The following ZDHHC21 variants were observed in gnomAD, a reference collection of about 807,000 sequenced individuals.
The protein encoded by ZDHHC21 is palmitoyltransferase ZDHHC21.
ZDHHC21 carries 15 observed loss-of-function variants against 34.6 expected under a neutral mutation model. That is an observed-to-expected ratio of 0.43 (90% CI 0.29 to 0.67). The LOEUF is 0.67. Ranked by LOEUF, ZDHHC21 falls within the 30% of genes least tolerant of loss-of-function variation. The pLI is 0.14. For synonymous variants in ZDHHC21, 142 were observed against 101.8 expected, an observed-to-expected ratio of 1.40 and a Z score of -2.38; for missense variants, 344 against 327.7, an observed-to-expected ratio of 1.05 and a Z score of -0.38.
intron 5 of ZDHHC21, among the ~76,000 whole-genome samples, chr9:14,664,055 C>T (rs1436147174): frequency 1.3e-5 from 2 of 152,152 alleles, no homozygotes; most frequent in South Asian, 2.1e-4. Context: ...CCAGCGTGAG[C>T]GACGCAGAAG....
chr9:14,631,867 C>A (rs901542106), intron 8 of ZDHHC21, among the ~76,000 whole-genome samples: 1 of 152,040 alleles, frequency 6.6e-6, no homozygotes, highest in Non-Finnish European at 1.5e-5. Context: ...AAAATAATTA[C>A]AATAGTAACA....
intron 8 of ZDHHC21, among the ~76,000 whole-genome samples, chr9:14,628,144 A>T (rs1340212218): frequency 6.6e-6 from 1 of 152,132 alleles, no homozygotes; most frequent in Non-Finnish European, 1.5e-5. Context: ...TGGGCTTCAG[A>T]TTAGTCTATT....
intron 8 of ZDHHC21, among the ~76,000 whole-genome samples, chr9:14,624,013 G>C (rs1825776925): frequency 6.6e-6 from 1 of 151,860 alleles, no homozygotes; most frequent in Non-Finnish European, 1.5e-5. Context: ...CACAGCACTG[G>C]GTACACTGTC....
chr9:14,691,385 G>A (rs947392114), intron 1 of ZDHHC21, among the ~76,000 whole-genome samples: 3 of 152,068 alleles, frequency 2.0e-5, no homozygotes, highest in African/African-American at 7.2e-5. Flanking sequence ...TTTGAGTTAC[G>A]GTCTTTTTCA....
At chr9:14,591,736 AC>A in the ZDHHC21 span, among the ~76,000 whole-genome samples, 1 of 152,166 alleles carries the variant, frequency 6.6e-6, no homozygotes, top group African/African-American at 2.4e-5. Context: ...AATTTCACTC[AC>A]AAAAATACTT....
the ZDHHC21 span, among the ~76,000 whole-genome samples, chr9:14,604,032 G>A: frequency 9.2e-5 from 14 of 152,126 alleles, no homozygotes; most frequent in Non-Finnish European, 1.8e-4. Flanking sequence ...TAGATTCCTG[G>A]CAAATCGATT....
At chr9:14,607,473 A>G (rs1198646519), downstream of ZDHHC21, among the ~76,000 whole-genome samples, 1 of 152,150 alleles carries the variant, frequency 6.6e-6, no homozygotes, top group Non-Finnish European at 1.5e-5. Context: ...ATCATATATA[A>G]CACATATGAT....
At chr9:14,680,597 A>G (rs1306197780) in intron 2 of ZDHHC21, among the ~76,000 whole-genome samples, 2 of 138,572 alleles carry the variant, frequency 1.4e-5, no homozygotes, top group East Asian at 4.0e-4. Flanking sequence ...TGAAGCCATT[A>G]AGAGAGTCAA....
chr9:14,686,399 A>G (rs1196343105), intron 2 of ZDHHC21, among the ~76,000 whole-genome samples: 5 of 152,156 alleles, frequency 3.3e-5, no homozygotes, highest in Non-Finnish European at 7.3e-5. Flanking sequence ...GACAGGGAAC[A>G]AAGGCCAAGT....
At chr9:14,608,417 A>G (rs890041544), downstream of ZDHHC21, among the ~76,000 whole-genome samples, 11 of 152,182 alleles carry the variant, frequency 7.2e-5, no homozygotes, top group Admixed American at 6.5e-4. Flanking sequence ...GACACACTCA[A>G]ATACGTGTCT....
chr9:14,657,372 C>T (rs1832434906), intron 7 of ZDHHC21, among the ~76,000 whole-genome samples: 1 of 152,038 alleles, frequency 6.6e-6, no homozygotes, highest in Non-Finnish European at 1.5e-5. Flanking sequence ...TTCACATTTT[C>T]AGTGGAAGAA....
At chr9:14,658,256 A>C (rs996287759) in intron 7 of ZDHHC21, among the ~76,000 whole-genome samples, 6 of 152,104 alleles carry the variant, frequency 3.9e-5, no homozygotes, top group Admixed American at 1.3e-4. Context: ...ATAAATAACC[A>C]TAAATGAATT....
At chr9:14,673,108 T>G (rs924127727) in intron 4 of ZDHHC21, among the ~76,000 whole-genome samples, 180 bp from the exon 5 acceptor site, 1 of 152,046 alleles carries the variant, frequency 6.6e-6, no homozygotes. Context: ...AGGACTATCT[T>G]AAATAGTCCT....
In ZDHHC21 at chr9:14,672,849, G is replaced by A. The variant is rs767819593; in HGVS notation, c.234C>T (p.Asn78=). 4 of 1,607,938 alleles carry A rather than the reference G, an allele frequency of 2.5e-6. No homozygotes were observed. The highest frequency in any genetic ancestry group is 3.4e-6 in the Non-Finnish European group (4 of 1,176,080). The stretch of plus-strand genomic sequence containing the variant: ...CCATACCTCCATGTGGGATCTTGGG[G>A]TTCTCAGGGAGTCTTCCTGGATCAG... The part of the protein sequence containing the change: ...SITDPGRLPE[N]PKIPHGEREF... The change falls in exon 5 of 10, where the codon AAC becomes AAT. Residue 78 remains asparagine (N), a synonymous_variant. Transcript: ENST00000380916.
chr9:14,632,725 C>T (rs1040957942), intron 8 of ZDHHC21, among the ~76,000 whole-genome samples: 1 of 150,974 alleles, frequency 6.6e-6, no homozygotes, highest in African/African-American at 2.4e-5. Flanking sequence ...GGACTTATAC[C>T]TACAATACAT....
intron 8 of ZDHHC21, among the ~76,000 whole-genome samples, chr9:14,630,190 C>T (rs1378804471): frequency 1.3e-5 from 2 of 152,188 alleles, no homozygotes; most frequent in Non-Finnish European, 2.9e-5. Context: ...GGAGTCAATC[C>T]TCTCAAACAC....
chr9:14,651,201 G>C (rs1831181187), intron 7 of ZDHHC21, among the ~76,000 whole-genome samples: 1 of 151,796 alleles, frequency 6.6e-6, no homozygotes, highest in South Asian at 2.1e-4. Flanking sequence ...AGATATAACA[G>C]ACTGCCTCAA....
intron 7 of ZDHHC21, among the ~76,000 whole-genome samples, chr9:14,653,481 G>C (rs1013472831): frequency 6.6e-6 from 1 of 151,958 alleles, no homozygotes; most frequent in Non-Finnish European, 1.5e-5. Context: ...CTTTAGAGAA[G>C]TTTGTTATAC....
At chr9:14,619,539 C>T in intron 9 of ZDHHC21, 100 bp downstream of exon 9, 2 of 992,596 alleles carry the variant, frequency 2.0e-6, no homozygotes, top group South Asian at 3.1e-5. Flanking sequence ...CAAGAAAAAG[C>T]CATCATTATA....
Sources: gnomAD v4.1 joint callset for allele counts (sites outside exome capture counted in the v4.1 genomes callset) on GRCh38, gnomAD v4.1.1 for gene constraint, MANE v1.5 for transcripts, NCBI Gene and HGNC (gene_info 2026-07-23, HGNC 2026-07-21) for gene names.